CCSER2: variants seen among roughly 807,000 people sequenced by gnomAD.
CCSER2 encodes the protein coiled-coil serine rich protein 2.
In CCSER2, 46 loss-of-function variants were observed where a neutral mutation model predicts 92.3. The observed-to-expected ratio is 0.50, with a 90% CI of 0.39 to 0.64. CCSER2 has a LOEUF of 0.64. Among genes scored for constraint, CCSER2 ranks in the 30% least tolerant of loss-of-function variants. The probability of loss-of-function intolerance (pLI) is 0.00; values close to 1 mark genes in which losing one functional copy is unlikely to be tolerated. For missense variants in CCSER2, 1,244 were observed against 1,238.9 expected (o/e 1.00, Z -0.06); for synonymous variants, 433 against 431.4 (o/e 1.00, Z -0.04).
chr10:84,390,058 G>A (rs1383979468), intron 3 of CCSER2, among the ~76,000 whole-genome samples: 1 of 152,106 alleles, frequency 6.6e-6, no homozygotes, highest in Non-Finnish European at 1.5e-5. Context: ...AGTGGTGAGA[G>A]CTAGGGAATA....
rs532459534 is a variant in CCSER2, at chr10:84,500,094, T to C, written c.2326-13355T>C. 5 of 1,167,168 alleles carry C rather than the reference T, an allele frequency of 4.3e-6. No homozygotes were observed. In the South Asian group the frequency reaches 7.4e-5, roughly 17 times the overall value. The allele number at this position is 1,167,168 out of a possible 1,614,324, so 72.3% of individuals were successfully genotyped here. A position where few individuals can be genotyped will look rare whatever the true frequency, so the allele number is the denominator to read the frequency against. ...GCAGGCATCTGCTAAAGCAGCACTC[T>C]CTGTGGTCTCCTCTCTTAACACTTC... On this transcript the variant is annotated intron_variant, in intron 9 of 9. Transcript: ENST00000372088.
chr10:84,457,360 TTTATTTTAAATATATATTTTAAATA>T (rs1845782136), intron 6 of CCSER2, among the ~76,000 whole-genome samples: 1 of 30,820 alleles, frequency 3.2e-5, no homozygotes, highest in Non-Finnish European at 9.4e-5. Flanking sequence ...AATATATATA[TTTATTTTAAATATATATTTTAAATA>T]TATATTTATT....
chr10:84,453,620 A>G (rs2133597755), intron 6 of CCSER2, among the ~76,000 whole-genome samples: 1 of 152,284 alleles, frequency 6.6e-6, no homozygotes, highest in Non-Finnish European at 1.5e-5. Context: ...TACTATTTAT[A>G]TCTTGCTTAT....
At chr10:84,479,770 T>C (rs2133751837) in intron 9 of CCSER2, among the ~76,000 whole-genome samples, 1 of 152,298 alleles carries the variant, frequency 6.6e-6, no homozygotes, top group Admixed American at 6.5e-5. Context: ...AAGAAGTGAC[T>C]TATGCAAGTG....
At chr10:84,496,643 G>A (rs908522772) in intron 9 of CCSER2, among the ~76,000 whole-genome samples, 9 of 152,188 alleles carry the variant, frequency 5.9e-5, no homozygotes, top group Admixed American at 3.9e-4. Context: ...TTTCTGTGGT[G>A]TTAGGTAGAT....
At position 84,373,804 on chromosome 10, in the gene CCSER2, A is replaced by G; in HGVS notation, c.1603A>G (p.Met535Val). The G allele has an allele frequency of 6.2e-7, 1 of 1,613,742 alleles. No individual in the cohort carries two copies. Among genetic ancestry groups the G allele is most frequent in the East Asian group, 2.2e-5 (1 of 44,854 alleles). ...HPVGSYESSE[M>V]NSIDILNNLE... ...AGTTGGGAGCTATGAGTCCTCTGAA[A>G]TGAACAGCATAGTATGTATGGATTT... The change falls in exon 3 of 10, where the codon ATG becomes GTG. Residue 535 changes from methionine to valine, a missense_variant. By Grantham distance (21) the Met-to-Val change is conservative. Transcript: ENST00000372088.
intron 6 of CCSER2, among the ~76,000 whole-genome samples, chr10:84,441,759 T>TTTTTTTTTTTTTG: frequency 1.2e-5 from 1 of 82,192 alleles, no homozygotes; most frequent in African/African-American, 3.9e-5. Context: ...TTTTTTTTTT[T>TTTTTTTTTTTTTG]TTTTTTTTTT....
At chr10:84,336,372 A>G (rs1351762657) in intron 1 of CCSER2, among the ~76,000 whole-genome samples, 1 of 152,232 alleles carries the variant, frequency 6.6e-6, no homozygotes, top group South Asian at 2.1e-4. Context: ...GTAATATGTC[A>G]TCTATTACAT....
rs749153928 is a variant in CCSER2, at chr10:84,341,037, C to CTTTT, written c.-40+12247_-40+12250dup. Among the ~76,000 whole-genome samples, 63 of 115,138 alleles carry CTTTT rather than the reference C, an allele frequency of 5.5e-4. 1 individual carries two copies. The highest frequency in any genetic ancestry group is 9.2e-4 in the East Asian group (4 of 4,364). 75.5% of individuals were successfully genotyped at this position (115,138 alleles called of 152,430 possible). A position where few individuals can be genotyped will look rare whatever the true frequency, so the allele number is the denominator to read the frequency against. ...CTCTCATGTACCACTCAATGTAACA[C>CTTTT]TTTTTTTTTTTTTTTTTTTTTGAGA... On this transcript the variant is annotated intron_variant, in intron 1 of 9. Transcript: ENST00000372088.
At chr10:84,386,119 T>C (rs1841191528) in intron 3 of CCSER2, among the ~76,000 whole-genome samples, 1 of 152,146 alleles carries the variant, frequency 6.6e-6, no homozygotes, top group Non-Finnish European at 1.5e-5. Flanking sequence ...GGAATACTTA[T>C]AACACTGTTG....
chr10:84,457,260 ATATATT>A (rs1212875397), intron 6 of CCSER2, among the ~76,000 whole-genome samples: 1,909 of 35,658 alleles, frequency 0.054, 72 homozygotes, highest in East Asian at 0.16. Flanking sequence ...ATTATATAAA[ATATATT>A]ATATATAATA....
chr10:84,379,666 C>T (rs541560185), intron 3 of CCSER2, among the ~76,000 whole-genome samples: 3 of 152,154 alleles, frequency 2.0e-5, no homozygotes, highest in South Asian at 2.1e-4. Flanking sequence ...TTGTATAGGC[C>T]ATTATCCTTA....
At chr10:84,450,227 C>T (rs763186397) in intron 6 of CCSER2, among the ~76,000 whole-genome samples, 28 of 152,190 alleles carry the variant, frequency 1.8e-4, no homozygotes, top group Non-Finnish European at 2.4e-4. Context: ...GTACATTGTT[C>T]GAAAACTATA....
At chr10:84,405,460 T>C (rs1312369023) in intron 3 of CCSER2, among the ~76,000 whole-genome samples, 2 of 152,174 alleles carry the variant, frequency 1.3e-5, no homozygotes, top group African/African-American at 4.8e-5. Context: ...TTAACTGGAT[T>C]ACATTAAATT....
At chr10:84,441,734 A>AAT (rs1564667378) in intron 6 of CCSER2, among the ~76,000 whole-genome samples, 10 of 106,410 alleles carry the variant, frequency 9.4e-5, no homozygotes, top group South Asian at 3.4e-4. Flanking sequence ...GACTGGGAAA[A>AAT]TGTTTTTTTT....
At chr10:84,359,056 G>C (rs1382397864) in intron 1 of CCSER2, among the ~76,000 whole-genome samples, 2 of 152,098 alleles carry the variant, frequency 1.3e-5, no homozygotes, top group African/African-American at 2.4e-5. Flanking sequence ...AAAGATTCCT[G>C]TAACCTTCTC....
intron 3 of CCSER2, among the ~76,000 whole-genome samples, chr10:84,384,833 G>A (rs1841100856): frequency 6.6e-6 from 1 of 152,158 alleles, no homozygotes. Flanking sequence ...TCTGTTTGTT[G>A]TTGATATGAT....
At chr10:84,350,777 G>A (rs1379652273) in intron 1 of CCSER2, among the ~76,000 whole-genome samples, 1 of 152,086 alleles carries the variant, frequency 6.6e-6, no homozygotes, top group Non-Finnish European at 1.5e-5. Flanking sequence ...AAACTATTTT[G>A]ACCCTACATA....
chr10:84,335,535 C>G (rs548609757), intron 1 of CCSER2, among the ~76,000 whole-genome samples: 3 of 152,252 alleles, frequency 2.0e-5, no homozygotes, highest in African/African-American at 7.2e-5. Flanking sequence ...TGAGCCACCA[C>G]AACTGGCCCT....
Sources: allele counts gnomAD v4.1 joint callset (sites outside exome capture counted in the v4.1 genomes callset), GRCh38; gene constraint gnomAD v4.1.1; transcripts MANE v1.5; gene names NCBI Gene and HGNC (gene_info 2026-07-23, HGNC 2026-07-21).